The following RANBP2 variants were observed in gnomAD, a reference collection of about 807,000 sequenced individuals.
RANBP2 encodes the protein RAN binding protein 2.
Under a neutral mutation model 303.6 loss-of-function variants are expected in RANBP2, and 57 were observed. The observed-to-expected ratio is 0.19, with a 90% confidence interval of 0.15 to 0.23. RANBP2 has a LOEUF of 0.23. RANBP2 is among the 10% of genes least tolerant of loss of function. The pLI, the probability that RANBP2 is intolerant of heterozygous loss-of-function variation, is 1.00. For missense variants in RANBP2, 3,138 were observed against 3,780.8 expected (o/e 0.83, Z 4.46); for synonymous variants, 1,167 against 1,301.5 (o/e 0.90, Z 2.23).
At chr2:109,016,539 A>T in the RANBP2 span, among the ~76,000 whole-genome samples, 4 of 152,326 alleles carry the variant, frequency 2.6e-5, no homozygotes, top group East Asian at 5.8e-4. Flanking sequence ...TAAAGGACAC[A>T]TGCCAGTCCT....
chr2:109,379,715 C>T, the RANBP2 span, among the ~76,000 whole-genome samples: 1 of 152,214 alleles, frequency 6.6e-6, no homozygotes, highest in East Asian at 1.9e-4. Flanking sequence ...GCCAATCCTG[C>T]TTGCATTTCT....
the RANBP2 span, among the ~76,000 whole-genome samples, chr2:109,199,607 T>TCAACTC: frequency 3.6e-3 from 1 of 276 alleles, no homozygotes. Context: ...TGGAATGGAA[T>TCAACTC]GGAATGGAAT....
the RANBP2 span, among the ~76,000 whole-genome samples, chr2:109,451,776 A>G: frequency 6.6e-6 from 1 of 152,268 alleles, no homozygotes; most frequent in African/African-American, 2.4e-5. Flanking sequence ...ACGCCCTGCC[A>G]TGCAAGCTGC....
the RANBP2 span, among the ~76,000 whole-genome samples, chr2:109,589,554 A>T: frequency 1.3e-5 from 2 of 152,248 alleles, no homozygotes; most frequent in Middle Eastern, 6.8e-3. Flanking sequence ...AAATAAAAAT[A>T]AATAAAAAGT....
At chr2:108,826,203 G>A in the RANBP2 span, among the ~76,000 whole-genome samples, 3,266 of 152,250 alleles carry the variant, frequency 0.021, 40 homozygotes, top group Middle Eastern at 0.037. Flanking sequence ...TCTCCATTCA[G>A]TAGTTGTCTG....
the RANBP2 span, among the ~76,000 whole-genome samples, chr2:109,378,168 C>T: frequency 6.6e-6 from 1 of 152,248 alleles, no homozygotes; most frequent in Non-Finnish European, 1.5e-5. Context: ...CTCTCCTCCG[C>T]AGCACCTCCA....
At chr2:109,127,780 T>C in the RANBP2 span, 1 of 152,182 alleles carries the variant, frequency 6.6e-6, no homozygotes, top group Non-Finnish European at 1.5e-5. Context: ...GCCCAAGAGT[T>C]TGAGGCTGCA....
chr2:109,738,903 C>A, the RANBP2 span, among the ~76,000 whole-genome samples: 1 of 150,846 alleles, frequency 6.6e-6, no homozygotes. Context: ...AAATTTAAGT[C>A]TTTAATCTAT....
At chr2:109,126,878 C>G in the RANBP2 span, among the ~76,000 whole-genome samples, 1 of 152,198 alleles carries the variant, frequency 6.6e-6, no homozygotes, top group Non-Finnish European at 1.5e-5. Context: ...CTCTGTGAGC[C>G]CTTCCAGTGC....
At chr2:109,439,328 G>T in the RANBP2 span, among the ~76,000 whole-genome samples, 2 of 152,094 alleles carry the variant, frequency 1.3e-5, no homozygotes, top group Non-Finnish European at 1.5e-5. Context: ...CGCTATTGCT[G>T]TCACAGCCAG....
the RANBP2 span, among the ~76,000 whole-genome samples, chr2:109,315,620 G>C: frequency 6.6e-6 from 1 of 152,256 alleles, no homozygotes; most frequent in Admixed American, 6.5e-5. Flanking sequence ...GCACAAGGAC[G>C]TGTGTGTCCA....
At chr2:109,627,252 AGTG>A in the RANBP2 span, among the ~76,000 whole-genome samples, 3 of 152,224 alleles carry the variant, frequency 2.0e-5, no homozygotes, top group Non-Finnish European at 4.4e-5. Flanking sequence ...GGTAGAGTGC[AGTG>A]GTGCTATCTC....
the RANBP2 span, among the ~76,000 whole-genome samples, chr2:109,294,589 TAA>T: frequency 0.025 from 3,574 of 141,322 alleles, 149 homozygotes; most frequent in African/African-American, 0.086. Flanking sequence ...AAAAAAAAGG[TAA>T]AAAAAAAAAA....
chr2:109,487,372 T>G, the RANBP2 span, among the ~76,000 whole-genome samples: 1 of 152,142 alleles, frequency 6.6e-6, no homozygotes. Context: ...TACCTCCATA[T>G]TCCATGGATT....
At chr2:109,128,537 T>C in the RANBP2 span, 1 of 152,102 alleles carries the variant, frequency 6.6e-6, no homozygotes, top group Middle Eastern at 3.2e-3. Flanking sequence ...CTGGAGCGCC[T>C]TCCCCTCCTG....
the RANBP2 span, among the ~76,000 whole-genome samples, chr2:109,707,766 C>T: frequency 6.6e-6 from 1 of 152,220 alleles, no homozygotes. Flanking sequence ...ATGTTCAGAG[C>T]TCTTTAGTCT....
At chr2:108,757,760 T>C (rs991119529) in intron 17 of RANBP2, among the ~76,000 whole-genome samples, 4 of 152,204 alleles carry the variant, frequency 2.6e-5, no homozygotes, top group Non-Finnish European at 5.9e-5. Flanking sequence ...TGTAGATACT[T>C]GTTTTTTTGA....
chr2:109,619,354 G>A, the RANBP2 span, among the ~76,000 whole-genome samples: 1 of 151,874 alleles, frequency 6.6e-6, no homozygotes, highest in Non-Finnish European at 1.5e-5. Context: ...AGCTGTATGG[G>A]TTTTGCACAC....
At chr2:108,923,104 G>A in the RANBP2 span, among the ~76,000 whole-genome samples, 1 of 152,158 alleles carries the variant, frequency 6.6e-6, no homozygotes, top group Non-Finnish European at 1.5e-5. Context: ...TGAGAAAACC[G>A]AGGCTCATGG....
Sources: gnomAD v4.1 joint callset for allele counts (sites outside exome capture counted in the v4.1 genomes callset) on GRCh38, gnomAD v4.1.1 for gene constraint, MANE v1.5 for transcripts, NCBI Gene and HGNC (gene_info 2026-07-23, HGNC 2026-07-21) for gene names.